CDH12: variants seen among roughly 807,000 people sequenced by gnomAD.
The protein encoded by CDH12 is cadherin 12.
Under a neutral mutation model 74.1 loss-of-function variants are expected in CDH12, and 41 were observed. The ratio of observed to expected loss-of-function variants is 0.55; its 90% CI spans 0.43 to 0.72. The LOEUF is 0.72. Ranked by LOEUF, CDH12 falls within the 30% of genes least tolerant of loss-of-function variation. CDH12 has a pLI of 0.00. For missense variants in CDH12, 945 were observed against 977.2 expected (o/e 0.97, Z 0.44); for synonymous variants, 399 against 355.0 (o/e 1.12, Z -1.39).
chr5:21,937,424 C>T (rs1158667904), intron 6 of CDH12, among the ~76,000 whole-genome samples: 1 of 152,006 alleles, frequency 6.6e-6, no homozygotes, highest in Non-Finnish European at 1.5e-5. Context: ...ATACAATAGT[C>T]CAGGTTAAAG....
chr5:21,904,151 A>G (rs988737648), intron 6 of CDH12, among the ~76,000 whole-genome samples: 1 of 152,066 alleles, frequency 6.6e-6, no homozygotes, highest in Non-Finnish European at 1.5e-5. Context: ...AATAAACTTC[A>G]TGTTACATTT....
At chr5:22,138,773 T>G in intron 4 of CDH12, among the ~76,000 whole-genome samples, 1 of 145,820 alleles carries the variant, frequency 6.9e-6, no homozygotes, top group East Asian at 2.0e-4. Context: ...TGACACATTT[T>G]ATCTTATTGA....
chr5:22,233,305 AAT>A (rs70959707), intron 3 of CDH12, among the ~76,000 whole-genome samples: 9 of 151,246 alleles, frequency 6.0e-5, no homozygotes, highest in African/African-American at 1.5e-4. Context: ...AAGCAAAAAA[AAT>A]ATATATATAT....
intron 1 of CDH12, among the ~76,000 whole-genome samples, chr5:22,790,318 G>A (rs1416158352): frequency 2.6e-5 from 4 of 151,938 alleles, no homozygotes; most frequent in African/African-American, 9.7e-5. Flanking sequence ...CATCAATGAG[G>A]GTTAAGATAA....
chr5:22,546,536 G>A (rs1230832579), intron 1 of CDH12, among the ~76,000 whole-genome samples: 1 of 152,086 alleles, frequency 6.6e-6, no homozygotes, highest in Non-Finnish European at 1.5e-5. Flanking sequence ...AAAATGCTGT[G>A]AGACCTTGAT....
intron 1 of CDH12, among the ~76,000 whole-genome samples, chr5:22,615,373 T>C (rs928208719): frequency 1.3e-5 from 2 of 152,112 alleles, no homozygotes; most frequent in African/African-American, 2.4e-5. Flanking sequence ...AATGCTGCTA[T>C]GTGGTACTAA....
rs188811810 is a variant in CDH12 at position 22,140,145 on chromosome 5, A to G, written c.-186-61283T>C. ...GAAAATCAAGTCTTAAATATGAGTG[A>G]TTAAAAATTATACAAACAATAGCTC... On this transcript the variant is annotated intron_variant, in intron 4 of 14. Transcript: ENST00000382254. Among the ~76,000 whole-genome samples, 456 of 152,276 alleles carry G rather than the reference A, an allele frequency of 3.0e-3. 5 individuals carry two copies. The highest frequency in any genetic ancestry group is 0.01 in the African/African-American group (424 of 41,564).
intron 3 of CDH12, among the ~76,000 whole-genome samples, chr5:22,320,068 A>T (rs1043914547): frequency 6.6e-6 from 1 of 152,228 alleles, no homozygotes; most frequent in Admixed American, 6.5e-5. Flanking sequence ...AACTAAACCC[A>T]CTTAGGTCCT....
chr5:22,008,726 T>C (rs940240278), intron 5 of CDH12, among the ~76,000 whole-genome samples: 2 of 152,174 alleles, frequency 1.3e-5, no homozygotes, highest in African/African-American at 4.8e-5. Flanking sequence ...TTAGGGTACA[T>C]TCCTCAGCAT....
intron 2 of CDH12, among the ~76,000 whole-genome samples, chr5:22,410,402 T>C (rs1456548367): frequency 1.3e-5 from 2 of 152,096 alleles, no homozygotes; most frequent in African/African-American, 4.8e-5. Context: ...CCAGAGAAGG[T>C]CCTGCCCCAG....
chr5:22,553,344 TG>T (rs750116596), intron 1 of CDH12, among the ~76,000 whole-genome samples: 5 of 152,150 alleles, frequency 3.3e-5, no homozygotes, highest in Non-Finnish European at 7.4e-5. Context: ...CTTTCTTTTT[TG>T]GTGTCAAACA....
intron 3 of CDH12, among the ~76,000 whole-genome samples, chr5:22,274,033 A>C: frequency 6.6e-6 from 1 of 152,290 alleles, no homozygotes; most frequent in East Asian, 1.9e-4. Flanking sequence ...AATAATGAAA[A>C]TATAATATTA....
chr5:22,121,751 T>G (rs928744268), intron 4 of CDH12, among the ~76,000 whole-genome samples: 2 of 152,142 alleles, frequency 1.3e-5, no homozygotes, highest in African/African-American at 4.8e-5. Context: ...TCCTCATGTC[T>G]TTAGTATATA....
At chr5:22,595,900 AC>A (rs1186148707) in intron 1 of CDH12, among the ~76,000 whole-genome samples, 3 of 151,786 alleles carry the variant, frequency 2.0e-5, no homozygotes, top group African/African-American at 7.3e-5. Context: ...ACACGGTGAA[AC>A]CCCGTCTCTA....
chr5:21,758,531 T>C (rs949037341), intron 13 of CDH12, among the ~76,000 whole-genome samples: 2 of 152,158 alleles, frequency 1.3e-5, no homozygotes, highest in Admixed American at 6.5e-5. Flanking sequence ...GGTTATAAAA[T>C]CAGGTGTTTT....
chr5:21,770,128 C>T (rs1004313122), intron 11 of CDH12, among the ~76,000 whole-genome samples: 9 of 152,110 alleles, frequency 5.9e-5, no homozygotes, highest in African/African-American at 2.2e-4. Context: ...TGAGGAAGCC[C>T]ACTTTACATT....
chr5:22,657,838 T>A (rs2126893221), intron 1 of CDH12, among the ~76,000 whole-genome samples: 1 of 152,268 alleles, frequency 6.6e-6, no homozygotes, highest in South Asian at 2.1e-4. Flanking sequence ...TATGTCCAAT[T>A]TTTCTTTTAA....
At chr5:22,459,045 A>G (rs1360399280) in intron 2 of CDH12, among the ~76,000 whole-genome samples, 11 of 152,144 alleles carry the variant, frequency 7.2e-5, no homozygotes, top group Non-Finnish European at 1.6e-4. Context: ...GTACGAGGTT[A>G]AACTGTACCC....
intron 5 of CDH12, among the ~76,000 whole-genome samples, chr5:22,072,717 T>TC (rs976753812): frequency 6.6e-6 from 1 of 151,798 alleles, no homozygotes; most frequent in East Asian, 1.9e-4. Flanking sequence ...ATGCTATCCC[T>TC]CCCCCCTCTC....
Sources: gnomAD v4.1 joint callset for allele counts (sites outside exome capture counted in the v4.1 genomes callset) on GRCh38, gnomAD v4.1.1 for gene constraint, MANE v1.5 for transcripts, NCBI Gene and HGNC (gene_info 2026-07-23, HGNC 2026-07-21) for gene names.